The following FTO variants were observed in gnomAD, a reference collection of about 807,000 sequenced individuals.
The protein encoded by FTO is alpha-ketoglutarate-dependent dioxygenase FTO.
FTO carries 47 observed loss-of-function variants against 63.9 expected under a neutral mutation model. The ratio of observed to expected loss-of-function variants is 0.74; its 90% confidence interval spans 0.58 to 0.94. FTO has a LOEUF of 0.94. Ranked by LOEUF, FTO falls within the 40% of genes least tolerant of loss-of-function variation. The pLI is 0.00. For missense variants in FTO, 562 were observed against 618.1 expected (o/e 0.91, Z 0.96); for synonymous variants, 207 against 224.4 (o/e 0.92, Z 0.69).
intron 1 of FTO, among the ~76,000 whole-genome samples, chr16:53,711,909 T>G (rs552398248): frequency 6.6e-6 from 1 of 152,210 alleles, no homozygotes; most frequent in Admixed American, 6.5e-5. Flanking sequence ...CAACTTTAAA[T>G]GATAAGGTTT....
chr16:54,082,008 C>T (rs1262746094), intron 8 of FTO, among the ~76,000 whole-genome samples: 5 of 152,282 alleles, frequency 3.3e-5, no homozygotes, highest in African/African-American at 1.2e-4. Flanking sequence ...CAGCATCTAC[C>T]GCCCCGTCAG....
rs755686716 is a variant in FTO at position 53,934,109 on chromosome 16, G to T, written c.1364G>T (p.Arg455Met). ...AACCTGAGGAGAGAATGGCATGCCA[G>T]GTTAGTTCTGTTGTGAAATGGGATT... ...RQNLRREWHA[R>M]CQSRIARTLP... is the part of the protein sequence containing the mutation. Residue 455 changes from arginine to methionine, a missense_variant and splice_region_variant, in exon 8 of 9, where the codon AGG becomes ATG. Coordinates refer to ENST00000471389, the MANE Select transcript of FTO (RefSeq NM_001080432.3). The T allele has an allele frequency of 6.2e-7, 1 of 1,614,116 alleles. No individual in the cohort carries two copies. The highest frequency in any genetic ancestry group is 8.5e-7 in the Non-Finnish European group (1 of 1,179,978).
intron 8 of FTO, among the ~76,000 whole-genome samples, chr16:54,027,584 T>A (rs536963242): frequency 6.6e-6 from 1 of 152,250 alleles, no homozygotes; most frequent in African/African-American, 2.4e-5. Context: ...AAAAATCTGC[T>A]TTCTGAAAAT....
chr16:53,944,924 G>A (rs1652760354), intron 8 of FTO, among the ~76,000 whole-genome samples: 1 of 152,156 alleles, frequency 6.6e-6, no homozygotes, highest in African/African-American at 2.4e-5. Context: ...CCTGGTAGGG[G>A]CCTGATATTG....
chr16:53,851,420 C>A (rs2079792207), intron 4 of FTO, among the ~76,000 whole-genome samples: 1 of 150,190 alleles, frequency 6.7e-6, no homozygotes, highest in Admixed American at 6.6e-5. Flanking sequence ...GATTGCACCA[C>A]TGCACTCCAG....
At position 54,027,089 on chromosome 16, in the gene FTO, GAGA is replaced by G. The variant is rs1199603851; in HGVS notation, c.1365-84672_1365-84670del. ...TGAGAGTGTGAGAGAGAGACAGAGA[GAGA>G]GAAGAGAGAAGTCACCGAAAGGTTA... On this transcript the variant is annotated intron_variant, in intron 8 of 8. Transcript: ENST00000471389. Among the ~76,000 whole-genome samples, 14 of 151,692 alleles carry G rather than the reference GAGA, an allele frequency of 9.2e-5. No homozygotes were observed. In the East Asian group the frequency reaches 1.5e-3, roughly 17 times the overall value.
chr16:53,774,798 C>T (rs1046446271), intron 1 of FTO, among the ~76,000 whole-genome samples: 1 of 152,104 alleles, frequency 6.6e-6, no homozygotes, highest in Non-Finnish European at 1.5e-5. Context: ...GGCTAAGAAT[C>T]AGGAGTCATT....
intron 8 of FTO, among the ~76,000 whole-genome samples, chr16:54,087,479 A>G (rs138059708): frequency 1.5e-3 from 234 of 152,270 alleles, no homozygotes; most frequent in Non-Finnish European, 2.8e-3. Context: ...CCTTTACTAC[A>G]ATGGCAAGGA....
At chr16:53,817,103 C>T (rs1401142598) in intron 2 of FTO, among the ~76,000 whole-genome samples, 3 of 152,118 alleles carry the variant, frequency 2.0e-5, no homozygotes, top group African/African-American at 7.2e-5. Flanking sequence ...TCTTTTAATC[C>T]TTGTATGTCT....
chr16:53,761,753 CAACT>C (rs61507259), intron 1 of FTO, among the ~76,000 whole-genome samples: 41,739 of 151,710 alleles, frequency 0.28, 7,470 homozygotes, highest in African/African-American at 0.52. Context: ...GCTTTTCACC[CAACT>C]AGATTATGGA....
intron 8 of FTO, among the ~76,000 whole-genome samples, chr16:53,950,175 A>AC (rs2082753798): frequency 7.0e-6 from 1 of 142,894 alleles, no homozygotes; most frequent in African/African-American, 2.6e-5. Flanking sequence ...AAAAAAAAAA[A>AC]AAAACTTAAT....
chr16:53,706,683 G>A (rs2075631996), intron 1 of FTO, among the ~76,000 whole-genome samples: 1 of 152,200 alleles, frequency 6.6e-6, no homozygotes, highest in Non-Finnish European at 1.5e-5. Context: ...ATAGGCGTGA[G>A]CCACTGTGCC....
Position 53,950,155 on chromosome 16 carries a change from TAAAAAA to T in FTO, c.1364+16065_1364+16070del, listed in dbSNP as rs57925273. Among the ~76,000 whole-genome samples, 267 of 50,614 alleles carry T rather than the reference TAAAAAA, an allele frequency of 5.3e-3. 12 individuals carry two copies. Among genetic ancestry groups the T allele is most frequent in the Non-Finnish European group, 8.8e-3 (198 of 22,570 alleles). 33.2% of individuals were successfully genotyped at this position (50,614 alleles called of 152,430 possible). ...GGAAAAAAAAAGATATTCACATTTGTAAAAAAAAAAAAAAAAAAAAAAAACTTAATC... is the reference window on the plus strand; with the variant it reads ...GGAAAAAAAAAGATATTCACATTTGTAAAAAAAAAAAAAAAAAACTTAATC... On this transcript the variant is annotated intron_variant, in intron 8 of 8. Coordinates refer to ENST00000471389, the MANE Select transcript of FTO (RefSeq NM_001080432.3).
In FTO at chr16:53,704,192, G is replaced by C. The variant is rs1161946063; in HGVS notation, c.8G>C (p.Arg3Pro). 4 of 1,551,482 alleles carry C rather than the reference G, an allele frequency of 2.6e-6. No homozygotes were observed. The South Asian group carries it at 3.6e-5, about 14-fold the overall frequency. Residue 3 changes from arginine to proline, a missense_variant, in exon 1 of 9, where the codon CGC becomes CCC. Transcript: ENST00000471389. MK[R>P]TPTAEERERE... is the part of the protein sequence containing the mutation. ...GGCGGCTTTAGTGGCAGCATGAAGC[G>C]CACCCCGACTGCCGAGGAACGAGAG...
intron 8 of FTO, among the ~76,000 whole-genome samples, chr16:54,088,727 A>T (rs537324863): frequency 6.6e-6 from 1 of 152,354 alleles, no homozygotes; most frequent in South Asian, 2.1e-4. Context: ...AAACATCATT[A>T]TGGCAAGTTT....
intron 8 of FTO, among the ~76,000 whole-genome samples, chr16:53,947,050 G>C (rs1288100918): frequency 6.6e-6 from 1 of 152,184 alleles, no homozygotes; most frequent in Non-Finnish European, 1.5e-5. Context: ...AAATTATCTT[G>C]AAGGTAAAAT....
intron 1 of FTO, among the ~76,000 whole-genome samples, chr16:53,775,638 G>A (rs1480357439): frequency 6.6e-6 from 1 of 151,960 alleles, no homozygotes; most frequent in Admixed American, 6.6e-5. Context: ...CCATAATCAG[G>A]GTGCAATCTA....
chr16:53,858,959 G>A (rs1180855872), intron 4 of FTO, among the ~76,000 whole-genome samples: 4 of 152,032 alleles, frequency 2.6e-5, no homozygotes, highest in African/African-American at 4.8e-5. Flanking sequence ...TTGCCTGGCC[G>A]ATTTTTGCTT....
At chr16:53,810,962 G>A (rs921134487) in intron 2 of FTO, among the ~76,000 whole-genome samples, 3 of 152,162 alleles carry the variant, frequency 2.0e-5, no homozygotes, top group African/African-American at 7.2e-5. Context: ...CTTAGAAAAA[G>A]TTAGTGAGTT....
Sources: gnomAD v4.1 joint callset for allele counts (sites outside exome capture counted in the v4.1 genomes callset) on GRCh38, gnomAD v4.1.1 for gene constraint, MANE v1.5 for transcripts, NCBI Gene and HGNC (gene_info 2026-07-23, HGNC 2026-07-21) for gene names.